The following ADAM22 variants were observed in gnomAD, a reference collection of about 807,000 sequenced individuals.
ADAM22 encodes disintegrin and metalloproteinase domain-containing protein 22.
In ADAM22, 65 loss-of-function variants were observed where a neutral mutation model predicts 144.6. That is an observed-to-expected ratio of 0.45 (90% CI 0.37 to 0.55). The LOEUF is 0.55. Among genes scored for constraint, ADAM22 ranks in the 20% least tolerant of loss-of-function variants. The pLI, the probability that ADAM22 is intolerant of heterozygous loss-of-function variation, is 0.00. For missense variants in ADAM22, 974 were observed against 1,184.9 expected (o/e 0.82, Z 2.61); for synonymous variants, 391 against 412.6 (o/e 0.95, Z 0.63).
chr7:88,057,935 T>C (rs1808732588), intron 3 of ADAM22, among the ~76,000 whole-genome samples: 1 of 152,196 alleles, frequency 6.6e-6, no homozygotes, highest in South Asian at 2.1e-4. Flanking sequence ...TTTAATCCAG[T>C]AATTTTCCAT....
intron 22 of ADAM22, among the ~76,000 whole-genome samples, chr7:88,160,981 G>A (rs192057483): frequency 6.6e-6 from 1 of 152,122 alleles, no homozygotes; most frequent in Non-Finnish European, 1.5e-5. Flanking sequence ...GGGGGAAGGG[G>A]GAGAGATAGC....
intron 2 of ADAM22, among the ~76,000 whole-genome samples, chr7:87,970,842 T>TGAATTTA (rs1314007667): frequency 6.6e-6 from 1 of 152,236 alleles, no homozygotes; most frequent in African/African-American, 2.4e-5. Flanking sequence ...GATTCATTTT[T>TGAATTTA]GAATTTAGAA....
intron 7 of ADAM22, among the ~76,000 whole-genome samples, chr7:88,118,419 T>C (rs1828354891): frequency 6.6e-6 from 1 of 152,158 alleles, no homozygotes; most frequent in Non-Finnish European, 1.5e-5. Flanking sequence ...TAGATGCTCT[T>C]ACCTCTCACA....
At chr7:88,042,391 G>A (rs915408747) in intron 3 of ADAM22, among the ~76,000 whole-genome samples, 16 of 150,398 alleles carry the variant, frequency 1.1e-4, no homozygotes, top group African/African-American at 3.9e-4. Context: ...CTGGTATATA[G>A]CTGGTATGAA....
chr7:88,041,655 TTG>T (rs1420102681), intron 3 of ADAM22, among the ~76,000 whole-genome samples: 2 of 151,982 alleles, frequency 1.3e-5, no homozygotes, highest in Admixed American at 6.6e-5. Flanking sequence ...CCCTTATCCT[TTG>T]TTATAAAATT....
chr7:87,974,810 C>G (rs928735896), intron 2 of ADAM22, among the ~76,000 whole-genome samples: 5 of 152,148 alleles, frequency 3.3e-5, no homozygotes, highest in African/African-American at 7.2e-5. Context: ...CTTTTGGAGG[C>G]CCTAAGGGAG....
chr7:87,939,442 A>G (rs1184527877), intron 2 of ADAM22, among the ~76,000 whole-genome samples: 1 of 152,192 alleles, frequency 6.6e-6, no homozygotes, highest in Non-Finnish European at 1.5e-5. Context: ...AGGAGAGTTA[A>G]CTGACCAGAT....
At chr7:87,991,617 C>T (rs1372177349) in intron 3 of ADAM22, among the ~76,000 whole-genome samples, 4 of 151,972 alleles carry the variant, frequency 2.6e-5, no homozygotes, top group African/African-American at 4.8e-5. Context: ...CCACCCGCCT[C>T]GGCCTCCCAA....
chr7:88,009,732 T>C (rs1233264445), intron 3 of ADAM22, among the ~76,000 whole-genome samples: 1 of 152,206 alleles, frequency 6.6e-6, no homozygotes, highest in African/African-American at 2.4e-5. Flanking sequence ...TTCCATAGAC[T>C]AGCTTCTATT....
In ADAM22 at chr7:88,179,093, A is replaced by G. The variant is rs369076156; in HGVS notation, c.2459A>G (p.Tyr820Cys). ...FQISTCSITH[Y>C]SISQNISLFC... ...ATTTCTACCTGTTCCATCACACATT[A>G]TTCCATTAGTCAGAACATTTCATTA... is the stretch of plus-strand genomic sequence containing the variant. The change falls in exon 27 of 32, where the codon TAT becomes TGT. Residue 820 changes from tyrosine to cysteine, a missense_variant. Tyr to Cys is a radical substitution (Grantham distance 194, BLOSUM62 -2). This residue lies in a region of ADAM22 where 734 missense variants were observed against 950.6 expected (regional missense o/e 0.77). Coordinates refer to ENST00000413139, the MANE Select transcript of ADAM22 (RefSeq NM_001324418.2). 8 of 1,373,766 alleles carry G rather than the reference A, an allele frequency of 5.8e-6. No individual in the cohort carries two copies. The African/African-American group carries it at 1.1e-4, about 20-fold the overall frequency. The allele number at this position is 1,373,766 out of a possible 1,614,324, so 85.1% of individuals were successfully genotyped here. A position where few individuals can be genotyped will look rare whatever the true frequency, so the allele number is the denominator to read the frequency against.
intron 2 of ADAM22, among the ~76,000 whole-genome samples, chr7:87,944,457 T>C (rs766346498): frequency 5.3e-5 from 8 of 152,162 alleles, no homozygotes; most frequent in Non-Finnish European, 1.0e-4. Context: ...GGATATCCTG[T>C]TAGTGTTCTG....
chr7:88,099,235 A>G (rs1381243264), intron 4 of ADAM22, among the ~76,000 whole-genome samples: 1 of 152,228 alleles, frequency 6.6e-6, no homozygotes, highest in East Asian at 1.9e-4. Context: ...GTTAATAGGC[A>G]TTAGCTTGCT....
intron 7 of ADAM22, among the ~76,000 whole-genome samples, chr7:88,120,677 G>A (rs1383818566): frequency 6.6e-6 from 1 of 152,128 alleles, no homozygotes; most frequent in African/African-American, 2.4e-5. Flanking sequence ...CTAGATAGAA[G>A]GCCTTTGCCA....
chr7:88,019,854 A>ACT (rs1229299210), intron 3 of ADAM22, among the ~76,000 whole-genome samples: 1 of 130,718 alleles, frequency 7.7e-6, no homozygotes, highest in African/African-American at 3.0e-5. Flanking sequence ...TATCTCAAAA[A>ACT]ATATGTGTGT....
At chr7:87,935,865 G>A (rs1376864470) in intron 2 of ADAM22, among the ~76,000 whole-genome samples, 1 of 152,132 alleles carries the variant, frequency 6.6e-6, no homozygotes, top group Non-Finnish European at 1.5e-5. Context: ...TTTAAATCAA[G>A]ATCACACATT....
intron 3 of ADAM22, among the ~76,000 whole-genome samples, chr7:88,060,070 TA>T (rs1451232102): frequency 2.0e-5 from 3 of 152,062 alleles, no homozygotes; most frequent in Non-Finnish European, 4.4e-5. Context: ...GCATTATGTC[TA>T]AAAAAAGTAT....
At chr7:87,962,545 C>T (rs763644592) in intron 2 of ADAM22, among the ~76,000 whole-genome samples, 1 of 152,084 alleles carries the variant, frequency 6.6e-6, no homozygotes, top group Non-Finnish European at 1.5e-5. Context: ...ATTCTGTTCA[C>T]ACTGCTTACA....
intron 3 of ADAM22, among the ~76,000 whole-genome samples, chr7:87,999,338 G>A (rs1791987989): frequency 7.2e-5 from 11 of 152,108 alleles, no homozygotes; most frequent in Admixed American, 7.2e-4. Context: ...GCTGTGTGTG[G>A]GTGTATGTGT....
chr7:88,084,532 G>A (rs1253252798), intron 4 of ADAM22, among the ~76,000 whole-genome samples: 5 of 152,148 alleles, frequency 3.3e-5, no homozygotes, highest in African/African-American at 1.2e-4. Context: ...GCTGAATTCT[G>A]CCCATCAATC....
Sources: gnomAD v4.1 joint callset for allele counts (sites outside exome capture counted in the v4.1 genomes callset) on GRCh38, gnomAD v4.1.1 for gene constraint, gnomAD v4.1.1 regional missense constraint, MANE v1.5 for transcripts, NCBI Gene and HGNC (gene_info 2026-07-23, HGNC 2026-07-21) for gene names.